STK38L: variants seen among roughly 807,000 people sequenced by gnomAD.
STK38L encodes the protein serine/threonine kinase 38 like.
A neutral mutation model predicts 59.7 loss-of-function variants in STK38L; 28 were observed. The observed-to-expected ratio is 0.47, with a 90% CI of 0.35 to 0.64. The LOEUF (loss-of-function observed/expected upper bound fraction) is 0.64, where lower values mean the gene tolerates loss of function less well. Among genes scored for constraint, STK38L ranks in the 30% least tolerant of loss-of-function variants. The probability of loss-of-function intolerance (pLI) is 0.01; values close to 1 mark genes in which losing one functional copy is unlikely to be tolerated. For synonymous variants in STK38L, 162 were observed against 176.8 expected, an observed-to-expected ratio of 0.92 and a Z score of 0.66; for missense variants, 314 against 555.8, an observed-to-expected ratio of 0.56 and a Z score of 4.37.
chr12:27,269,439 G>A (rs1015933329), intron 1 of STK38L, among the ~76,000 whole-genome samples: 6 of 152,198 alleles, frequency 3.9e-5, no homozygotes, highest in African/African-American at 7.2e-5. Context: ...GTAGATACGC[G>A]ACATTATTTC....
chr12:27,250,330 A>AATT (rs1439846394), intron 1 of STK38L, among the ~76,000 whole-genome samples: 1 of 152,264 alleles, frequency 6.6e-6, no homozygotes, highest in Non-Finnish European at 1.5e-5. Flanking sequence ...TTCAAGAGAC[A>AATT]CAGTAAGTAA....
intron 2 of STK38L, among the ~76,000 whole-genome samples, chr12:27,298,835 A>G (rs1331605516): frequency 6.6e-6 from 1 of 152,214 alleles, no homozygotes; most frequent in Non-Finnish European, 1.5e-5. Flanking sequence ...CTAGATTCCA[A>G]CATCCTGGGA....
At chr12:27,269,389 A>C (rs1236990558) in intron 1 of STK38L, among the ~76,000 whole-genome samples, 5 of 152,174 alleles carry the variant, frequency 3.3e-5, no homozygotes, top group Non-Finnish European at 7.3e-5. Flanking sequence ...TTGTTTCCCC[A>C]TTTCTTGTTT....
intron 1 of STK38L, among the ~76,000 whole-genome samples, chr12:27,288,858 A>C (rs1235378279): frequency 3.1e-5 from 4 of 130,040 alleles, no homozygotes; most frequent in Non-Finnish European, 3.2e-5. Context: ...CCTGCCATTT[A>C]CTCCCCCTTC....
In STK38L at chr12:27,324,575, C is replaced by T. The variant is rs1172508544; in HGVS notation, c.*2120C>T. On this transcript the variant is annotated 3_prime_UTR_variant, in exon 14 of 14. Transcript: ENST00000389032. Reference sequence around the variant, plus strand: ...ATAGAGCATTTTTTGTTTTGAGTTCCCTCATTCTTATTACCAGAAAGAGCT... The same window carrying T: ...ATAGAGCATTTTTTGTTTTGAGTTCTCTCATTCTTATTACCAGAAAGAGCT... 1 of 151,788 alleles carries T rather than the reference C, an allele frequency of 6.6e-6. No homozygotes were observed. Among genetic ancestry groups the T allele is most frequent in the African/African-American group, 2.4e-5 (1 of 41,346 alleles). The allele number at this position is 151,788 out of a possible 1,614,324, so 9.4% of individuals were successfully genotyped here.
chr12:27,261,307 C>T (rs756233470), intron 1 of STK38L, among the ~76,000 whole-genome samples: 52 of 152,222 alleles, frequency 3.4e-4, no homozygotes, highest in Admixed American at 6.5e-5. Flanking sequence ...ACCAGCAATT[C>T]TTAATGCTTC....
chr12:27,315,348 C>G lies in STK38L; in HGVS notation c.835C>G (p.Leu279Val). 1 of 1,613,130 alleles carries G rather than the reference C, an allele frequency of 6.2e-7. No individual in the cohort carries two copies. Among genetic ancestry groups the G allele is most frequent in the South Asian group, 1.1e-5 (1 of 90,918 alleles). Reference protein sequence around the residue: ...AETWKKNRRQLAYSTVGTPDY... With the variant: ...AETWKKNRRQVAYSTVGTPDY... ...AACTTGGAAGAAGAACAGGAGACAA[C>G]TGGTGAGTCAACCAGTTTTTAAGAG... The change falls in exon 9 of 14, where the codon CTG (leucine) becomes GTG (valine). Residue 279 changes from leucine to valine, a missense_variant and splice_region_variant. By Grantham distance (32) the Leu-to-Val change is conservative. Around this residue, in one of 3 missense-constraint regions of STK38L, gnomAD observed 28 missense variants for 96.7 expected, o/e 0.29. Transcript: ENST00000389032.
chr12:27,282,848 A>T (rs1943690249), intron 1 of STK38L, among the ~76,000 whole-genome samples: 1 of 152,212 alleles, frequency 6.6e-6, no homozygotes, highest in South Asian at 2.1e-4. Flanking sequence ...TATGGCGCTT[A>T]ACAGAAGGTA....
At chr12:27,282,694 A>G (rs561095915) in intron 1 of STK38L, among the ~76,000 whole-genome samples, 158 of 152,328 alleles carry the variant, frequency 1.0e-3, no homozygotes, top group Non-Finnish European at 1.5e-3. Context: ...TGACTCAACA[A>G]TTGCACATCT....
At chr12:27,292,231 G>A (rs1050290091) in intron 1 of STK38L, among the ~76,000 whole-genome samples, 1 of 152,190 alleles carries the variant, frequency 6.6e-6, no homozygotes. Flanking sequence ...AATACAATAA[G>A]TGCCAGTCAT....
intron 1 of STK38L, among the ~76,000 whole-genome samples, chr12:27,254,246 C>T (rs1340039153): frequency 6.6e-6 from 1 of 152,134 alleles, no homozygotes; most frequent in Non-Finnish European, 1.5e-5. Flanking sequence ...TAAACATTTC[C>T]CAAGACTGTA....
chr12:27,270,475 T>C (rs572118441), intron 1 of STK38L, among the ~76,000 whole-genome samples: 1 of 152,282 alleles, frequency 6.6e-6, no homozygotes, highest in Non-Finnish European at 1.5e-5. Context: ...CCTCTTGGGT[T>C]TGAGCAATTA....
At chr12:27,318,171 TAAAAG>T in intron 11 of STK38L, 152 bp downstream of exon 11, 10 of 985,752 alleles carry the variant, frequency 1.0e-5, no homozygotes, top group Non-Finnish European at 1.5e-5. Flanking sequence ...TGTAAACTCT[TAAAAG>T]GAAGTATGCA....
intron 1 of STK38L, among the ~76,000 whole-genome samples, chr12:27,250,157 T>C (rs1394682940): frequency 6.6e-6 from 1 of 152,238 alleles, no homozygotes; most frequent in Non-Finnish European, 1.5e-5. Flanking sequence ...CAGAGAAGCT[T>C]CTGCACACAT....
chr12:27,279,127 C>T (rs2136624335), intron 1 of STK38L, among the ~76,000 whole-genome samples: 1 of 152,192 alleles, frequency 6.6e-6, no homozygotes, highest in African/African-American at 2.4e-5. Context: ...ATTTTCGGAC[C>T]ATCATAAAGT....
chr12:27,277,948 G>C (rs1177364079), intron 1 of STK38L, among the ~76,000 whole-genome samples: 1 of 152,190 alleles, frequency 6.6e-6, no homozygotes, highest in Non-Finnish European at 1.5e-5. Context: ...GTGATGTCAG[G>C]AAACTGGGTG....
chr12:27,284,487 T>G (rs1386151885), intron 1 of STK38L, among the ~76,000 whole-genome samples: 2 of 152,230 alleles, frequency 1.3e-5, no homozygotes, highest in Admixed American at 6.5e-5. Context: ...AATTCAAGTT[T>G]TGTGATTTTA....
chr12:27,256,502 C>T (rs1943095182), intron 1 of STK38L, among the ~76,000 whole-genome samples: 1 of 152,202 alleles, frequency 6.6e-6, no homozygotes, highest in African/African-American at 2.4e-5. Flanking sequence ...TCAGGGAGGC[C>T]TGCCTTGACC....
intron 1 of STK38L, among the ~76,000 whole-genome samples, chr12:27,284,919 G>A (rs951839201): frequency 3.3e-5 from 5 of 152,216 alleles, no homozygotes; most frequent in Admixed American, 6.5e-5. Context: ...CAAGTGGTCT[G>A]TGTGTTTAAC....
Sources: allele counts gnomAD v4.1 joint callset (sites outside exome capture counted in the v4.1 genomes callset), GRCh38; gene constraint gnomAD v4.1.1; regional missense constraint gnomAD v4.1.1; transcripts MANE v1.5; gene names NCBI Gene and HGNC (gene_info 2026-07-23, HGNC 2026-07-21).